The following CSRNP3 variants were observed in gnomAD, a reference collection of about 807,000 sequenced individuals.
CSRNP3 encodes the protein cysteine/serine-rich nuclear protein 3.
Under a neutral mutation model 48.0 loss-of-function variants are expected in CSRNP3, and 12 were observed. The observed-to-expected ratio is 0.25, with a 90% CI of 0.16 to 0.41. The LOEUF (loss-of-function observed/expected upper bound fraction) is 0.41. Among genes scored for constraint, CSRNP3 ranks in the 10% least tolerant of loss-of-function variants. The probability of loss-of-function intolerance (pLI) is 1.00; values close to 1 mark genes in which losing one functional copy is unlikely to be tolerated. For synonymous variants in CSRNP3, 263 were observed against 269.7 expected (o/e 0.98, Z 0.24); for missense variants, 580 against 724.4 (o/e 0.80, Z 2.29).
At chr2:165,594,260 G>A (rs976424921) in intron 3 of CSRNP3, among the ~76,000 whole-genome samples, 1 of 152,114 alleles carries the variant, frequency 6.6e-6, no homozygotes, top group African/African-American at 2.4e-5. Context: ...TTTATAAAAT[G>A]TTTATACCCT....
chr2:165,567,840 C>G (rs1685318076), intron 3 of CSRNP3, among the ~76,000 whole-genome samples: 1 of 151,966 alleles, frequency 6.6e-6, no homozygotes, highest in African/African-American at 2.4e-5. Flanking sequence ...TTTACAGTTA[C>G]TCTCAGCCTC....
At chr2:165,614,178 G>GT (rs923264301) in intron 4 of CSRNP3, among the ~76,000 whole-genome samples, 9 of 151,512 alleles carry the variant, frequency 5.9e-5, no homozygotes, top group Admixed American at 1.3e-4. Context: ...TTATTCACAG[G>GT]TTTTTTTTAT....
intron 4 of CSRNP3, among the ~76,000 whole-genome samples, chr2:165,642,135 C>T (rs1429331221): frequency 4.0e-5 from 6 of 150,902 alleles, no homozygotes; most frequent in African/African-American, 1.5e-4. Flanking sequence ...CACACACACA[C>T]ACACACACAC....
intron 4 of CSRNP3, among the ~76,000 whole-genome samples, chr2:165,655,719 C>T (rs114103033): frequency 0.011 from 1,600 of 152,306 alleles, 22 homozygotes; most frequent in African/African-American, 0.036. Context: ...TTTCCTTGCA[C>T]ATTTCAGTTT....
At chr2:165,480,675 T>C (rs1025563487) in intron 1 of CSRNP3, among the ~76,000 whole-genome samples, 1 of 151,302 alleles carries the variant, frequency 6.6e-6, no homozygotes, top group South Asian at 2.1e-4. Context: ...AAATTGGCAA[T>C]GTGCATGGAA....
chr2:165,565,195 T>C (rs544662495), intron 3 of CSRNP3, among the ~76,000 whole-genome samples: 17 of 152,226 alleles, frequency 1.1e-4, no homozygotes, highest in African/African-American at 3.9e-4. Flanking sequence ...GGCCATAATA[T>C]TCCAATAAAA....
chr2:165,650,873 T>C (rs1267807341), intron 4 of CSRNP3, among the ~76,000 whole-genome samples: 2 of 152,242 alleles, frequency 1.3e-5, no homozygotes, highest in Non-Finnish European at 2.9e-5. Flanking sequence ...TTATTGACTT[T>C]AGACCCAAAT....
chr2:165,610,852 A>T (rs989105354), intron 4 of CSRNP3, among the ~76,000 whole-genome samples: 1 of 147,916 alleles, frequency 6.8e-6, no homozygotes. Flanking sequence ...TAATGGAAAC[A>T]TGTGAGAGCT....
chr2:165,678,645 G>T, intron 6 of CSRNP3, 56 bp from the exon 7 acceptor site: 3 of 1,549,376 alleles, frequency 1.9e-6, no homozygotes, highest in Non-Finnish European at 2.6e-6. Context: ...AAAGTTCTGG[G>T]CGTTTATTTG....
chr2:165,492,974 A>G (rs974136104), intron 1 of CSRNP3, among the ~76,000 whole-genome samples: 2 of 150,222 alleles, frequency 1.3e-5, no homozygotes, highest in African/African-American at 4.9e-5. Context: ...TGTTCAGCGT[A>G]GAGGCCGACA....
At chr2:165,520,792 T>C (rs376780789) in intron 3 of CSRNP3, among the ~76,000 whole-genome samples, 5,695 of 19,304 alleles carry the variant, frequency 0.3, 190 homozygotes, top group East Asian at 0.4. Flanking sequence ...ATTATATATA[T>C]ATATATATAT....
chr2:165,615,887 GGTTTTTTTTT>G lies in CSRNP3; in HGVS notation c.148+20675_148+20684del, dbSNP rs774569706. ...CACCATATCTGGCTAATGTTTGTGG[GGTTTTTTTTT>G]TTTTTTTTTTTTTTTTACAGATTGG... On this transcript the variant is annotated intron_variant, in intron 4 of 6. Transcript: ENST00000651982. Among the ~76,000 whole-genome samples the G allele has an allele frequency of 1.1e-4, 14 of 126,656 alleles. 1 individual carries two copies. Among genetic ancestry groups the G allele is most frequent in the African/African-American group, 3.5e-4 (12 of 34,564 alleles). The allele number at this position is 126,656 out of a possible 152,430, so 83.1% of individuals were successfully genotyped here. A position where few individuals can be genotyped will look rare whatever the true frequency, so the allele number is the denominator to read the frequency against.
chr2:165,596,722 G>T (rs953348858), intron 4 of CSRNP3, among the ~76,000 whole-genome samples: 3 of 135,008 alleles, frequency 2.2e-5, no homozygotes, highest in Admixed American at 2.2e-4. Flanking sequence ...TTATGTTTTG[G>T]GTCTTAATAC....
chr2:165,674,665 T>C (rs1558970743), intron 5 of CSRNP3, among the ~76,000 whole-genome samples: 2 of 136,574 alleles, frequency 1.5e-5, no homozygotes, highest in Admixed American at 7.8e-5. Flanking sequence ...TATTCATATA[T>C]ATATAAATAC....
rs1319671066 is a variant in CSRNP3, at chr2:165,556,966, A to G, written c.-23-38077A>G. Among the ~76,000 whole-genome samples the G allele has an allele frequency of 4.6e-5, 7 of 152,292 alleles. No homozygotes were observed. In the East Asian group the frequency reaches 1.4e-3, roughly 29 times the overall value. ...TCTATTTGGATTGGTTAGAAACCAG[A>G]GTCATTGCTAAATATCTTTAATATT... is the stretch of plus-strand genomic sequence containing the variant. On this transcript the variant is annotated intron_variant, in intron 3 of 6. Coordinates refer to ENST00000651982, the MANE Select transcript of CSRNP3 (RefSeq NM_001172173.2).
At chr2:165,519,353 G>A (rs1468485129) in intron 3 of CSRNP3, among the ~76,000 whole-genome samples, 1 of 151,980 alleles carries the variant, frequency 6.6e-6, no homozygotes, top group African/African-American at 2.4e-5. Context: ...GACCTAGAAA[G>A]ACTTGTAGGT....
intron 4 of CSRNP3, among the ~76,000 whole-genome samples, chr2:165,657,430 T>C (rs1047164414): frequency 1.3e-5 from 2 of 152,156 alleles, no homozygotes; most frequent in Non-Finnish European, 2.9e-5. Context: ...TCTGAGAACA[T>C]ATCCTCTAAA....
chr2:165,657,284 T>C (rs1429128472), intron 4 of CSRNP3, among the ~76,000 whole-genome samples: 1 of 152,216 alleles, frequency 6.6e-6, no homozygotes, highest in Non-Finnish European at 1.5e-5. Context: ...TCATATATTA[T>C]TATAATTGCT....
chr2:165,531,099 T>G (rs778029575), intron 3 of CSRNP3, among the ~76,000 whole-genome samples: 2 of 152,174 alleles, frequency 1.3e-5, no homozygotes, highest in Non-Finnish European at 2.9e-5. Flanking sequence ...TTTCAATATC[T>G]AATTCCAGCT....
Sources: allele counts gnomAD v4.1 joint callset (sites outside exome capture counted in the v4.1 genomes callset), GRCh38; gene constraint gnomAD v4.1.1; transcripts MANE v1.5; gene names NCBI Gene and HGNC (gene_info 2026-07-23, HGNC 2026-07-21).